The following SEPTIN5 variants were observed in gnomAD, a reference collection of about 807,000 sequenced individuals.
SEPTIN5 encodes the protein septin-5.
Under a neutral mutation model 51.2 loss-of-function variants are expected in SEPTIN5, and 16 were observed. The ratio of observed to expected loss-of-function variants is 0.31; its 90% CI spans 0.21 to 0.47. The LOEUF (loss-of-function observed/expected upper bound fraction) is 0.47. Among genes scored for constraint, SEPTIN5 ranks in the 20% least tolerant of loss-of-function variants. The pLI is 0.99. For synonymous variants in SEPTIN5, 208 were observed against 191.2 expected (o/e 1.09, Z -0.72); for missense variants, 376 against 500.3 (o/e 0.75, Z 2.37).
intron 2 of SEPTIN5, chr22:19,718,754 C>T (rs923962436): frequency 3.9e-5 from 48 of 1,237,156 alleles, no homozygotes; most frequent in Non-Finnish European, 4.3e-5. Context: ...TCGCTGGCAG[C>T]GCCCCAGGAC....
intron 2 of SEPTIN5, among the ~76,000 whole-genome samples, chr22:19,716,385 G>A (rs1006589326): frequency 1.3e-5 from 2 of 152,206 alleles, no homozygotes; most frequent in African/African-American, 2.4e-5. Flanking sequence ...CCGTCACTAC[G>A]CTCTGTGCCC....
intron 2 of SEPTIN5, chr22:19,719,081 G>A: frequency 2.9e-6 from 1 of 344,932 alleles, no homozygotes; most frequent in Non-Finnish European, 5.2e-6. Flanking sequence ...CTGGGCGCCT[G>A]GGCGCGCGGG....
rs1239852611 is a variant in SEPTIN5, at chr22:19,722,478, C to T, written c.1104C>T (p.Asp368=). The change falls in exon 12 of 12, where the codon GAC becomes GAT. Residue 368 remains aspartate, a synonymous_variant. Transcript: ENST00000455784. ...AGAGGATGAAGCAGCAGATGCAGGA[C>T]CAGTGACGCTCGCCGCGGACACACC... ...MLQRMKQQMQ[D]Q The T allele has an allele frequency of 5.6e-6, 9 of 1,596,868 alleles. No homozygotes were observed. Among genetic ancestry groups the T allele is most frequent in the Admixed American group, 1.7e-5 (1 of 58,482 alleles).
At chr22:19,719,034 G>C (rs562773458) in intron 2 of SEPTIN5, 2 of 467,082 alleles carry the variant, frequency 4.3e-6, no homozygotes, top group South Asian at 2.3e-4. Flanking sequence ...GAATGCGGCC[G>C]TGGGACCCCT....
chr22:19,719,748 A>C (rs1293555129), intron 3 of SEPTIN5, 50 bp downstream of exon 3: 5 of 1,611,536 alleles, frequency 3.1e-6, no homozygotes, highest in Non-Finnish European at 4.2e-6. Context: ...CTGGCCAGCC[A>C]AGCTCTGTCG....
At position 19,714,531 on chromosome 22, in the gene SEPTIN5, G is replaced by C. The variant is rs1158413643; in HGVS notation, c.-58G>C. The C allele has an allele frequency of 1.4e-5, 18 of 1,264,906 alleles. No homozygotes were observed. Among genetic ancestry groups the C allele is most frequent in the Non-Finnish European group, 1.8e-5 (18 of 993,940 alleles). 78.4% of individuals were successfully genotyped at this position (1,264,906 alleles called of 1,614,324 possible). ...CCGCAGCCCGGCCTCGGCCTCCGCCGCTTGTCGTCGCGCCCCGCCCGCGAG... is the reference window on the plus strand; with the variant it reads ...CCGCAGCCCGGCCTCGGCCTCCGCCCCTTGTCGTCGCGCCCCGCCCGCGAG... On this transcript the variant is annotated 5_prime_UTR_variant, in exon 1 of 12. Coordinates refer to ENST00000455784, the MANE Select transcript of SEPTIN5 (RefSeq NM_002688.6). The surrounding 1 kb of genome is among the most constrained non-coding windows in gnomAD (Gnocchi z 5.2).
At chr22:19,718,485 C>T (rs746186706) in intron 2 of SEPTIN5, 1 of 1,194,156 alleles carries the variant, frequency 8.4e-7, no homozygotes, top group Non-Finnish European at 1.0e-6. Flanking sequence ...CGGGGCCTGC[C>T]CGGACTGCGA....
At chr22:19,721,196 G>A (rs1936024034) in intron 8 of SEPTIN5, among the ~76,000 whole-genome samples, 1 of 152,214 alleles carries the variant, frequency 6.6e-6, no homozygotes, top group Non-Finnish European at 1.5e-5. Flanking sequence ...CCAGAGGAAG[G>A]GGCTGCCCCA....
chr22:19,722,952 C>T lies in SEPTIN5; in HGVS notation c.*468C>T, dbSNP rs971909500. 4.8e-5 allele frequency: 21 copies of T among 441,902 alleles called. No individual in the cohort carries two copies. Among genetic ancestry groups the T allele is most frequent in the Admixed American group, 1.4e-4 (4 of 29,128 alleles). The allele number at this position is 441,902 out of a possible 1,614,324, so 27.4% of individuals were successfully genotyped here. A position where few individuals can be genotyped will look rare whatever the true frequency, so the allele number is the denominator to read the frequency against. ...TCTGTCGAGGCGGGCCGAGTCTTCC[C>T]TTATCCCCAGACGCCTAGCGGGCAG... On this transcript the variant is annotated 3_prime_UTR_variant, in exon 12 of 12. Coordinates refer to ENST00000455784, the MANE Select transcript of SEPTIN5 (RefSeq NM_002688.6).
chr22:19,714,628 C>G lies in SEPTIN5; in HGVS notation c.40C>G (p.Pro14Ala). 1 of 1,507,992 alleles carries G rather than the reference C, an allele frequency of 6.6e-7. No individual in the cohort carries two copies. The allele number at this position is 1,507,992 out of a possible 1,614,324, so 93.4% of individuals were successfully genotyped here. A position where few individuals can be genotyped will look rare whatever the true frequency, so the allele number is the denominator to read the frequency against. The change falls in exon 1 of 12, where the codon CCA becomes GCA. Residue 14 changes from proline (P) to alanine (A), a missense_variant. Physicochemically the swap from Pro to Ala is conservative, Grantham distance 27. Coordinates refer to ENST00000455784, the MANE Select transcript of SEPTIN5 (RefSeq NM_002688.6). The surrounding 1 kb of genome is among the most constrained non-coding windows in gnomAD (Gnocchi z 5.2). ...GLRYKSKLATPEDKQDIDKQY... is the reference protein window; with the variant it reads ...GLRYKSKLATAEDKQDIDKQY... ...GCGGTACAAGAGCAAGCTGGCGACCCCAGGTGAGCCCAGCGCCTGCCCGCG... is the reference window on the plus strand; with the variant it reads ...GCGGTACAAGAGCAAGCTGGCGACCGCAGGTGAGCCCAGCGCCTGCCCGCG...
chr22:19,720,736 C>A, intron 7 of SEPTIN5, 32 bp from the exon 8 acceptor site: 4 of 1,612,098 alleles, frequency 2.5e-6, no homozygotes, highest in Non-Finnish European at 3.4e-6. Context: ...ACTTGTCTGG[C>A]CTCAAATCTG....
At chr22:19,718,625 G>C (rs1935956375) in intron 2 of SEPTIN5, 2 of 1,291,230 alleles carry the variant, frequency 1.5e-6, no homozygotes, top group Admixed American at 3.1e-5. Context: ...AAACGGGGTG[G>C]ACAACGCAGC....
Position 19,714,860 on chromosome 22 carries a change from T to C in SEPTIN5, c.54+69T>C. The C allele has an allele frequency of 6.5e-7, 1 of 1,535,240 alleles. No homozygotes were observed. The highest frequency in any genetic ancestry group is 8.8e-7 in the Non-Finnish European group (1 of 1,141,844). ...TGTCACCCATTGTGACACTAGCGCC[T>C]TGGGCGCCCAGGCGCGACCCCGCCC... On this transcript the variant is annotated intron_variant, in intron 2 of 11. Coordinates refer to ENST00000455784, the MANE Select transcript of SEPTIN5 (RefSeq NM_002688.6). This position sits in a 1 kb window ranked among gnomAD's most constrained non-coding sequence, Gnocchi z 5.2.
intron 2 of SEPTIN5, among the ~76,000 whole-genome samples, chr22:19,715,756 G>T (rs1935903463): frequency 6.6e-6 from 1 of 152,174 alleles, no homozygotes; most frequent in South Asian, 2.1e-4. Flanking sequence ...GGAGCTGGGG[G>T]AGTCACTGGC....
chr22:19,714,746 C>T lies in SEPTIN5; in HGVS notation c.44-35C>T. The T allele has an allele frequency of 6.3e-7, 1 of 1,586,104 alleles. No individual in the cohort carries two copies. On this transcript the variant is annotated intron_variant, in intron 1 of 11. Coordinates refer to ENST00000455784, the MANE Select transcript of SEPTIN5 (RefSeq NM_002688.6). The surrounding 1 kb of genome is among the most constrained non-coding windows in gnomAD (Gnocchi z 5.2). ...CCGCCGGCCCGGACCCGCTCGGAAC[C>T]GGACCCGGACTCGACCCCGACCCCG...
intron 2 of SEPTIN5, among the ~76,000 whole-genome samples, chr22:19,715,986 C>G (rs942919047): frequency 6.6e-6 from 1 of 152,222 alleles, no homozygotes; most frequent in African/African-American, 2.4e-5. Context: ...GAGGCTTCTC[C>G]TGTGCCTGCA....
chr22:19,718,342 CG>C (rs1935948600), intron 2 of SEPTIN5: 1 of 961,216 alleles, frequency 1.0e-6, no homozygotes, highest in African/African-American at 1.8e-5. Context: ...CAGCCGCTTT[CG>C]GGTGGCTCCG....
chr22:19,722,657 AG>A lies in SEPTIN5; in HGVS notation c.*174del. On this transcript the variant is annotated 3_prime_UTR_variant, in exon 12 of 12. Transcript: ENST00000455784. ...TCTGTTTCCGAGGGGCCTGGACCGTAGCCCCCGCCCAGCTGGCCCTCTCTGA... is the reference window on the plus strand; with the variant it reads ...TCTGTTTCCGAGGGGCCTGGACCGTACCCCCGCCCAGCTGGCCCTCTCTGA... 1 of 719,150 alleles carries A rather than the reference AG, an allele frequency of 1.4e-6. No individual in the cohort carries two copies. Among genetic ancestry groups the A allele is most frequent in the Non-Finnish European group, 2.3e-6 (1 of 439,604 alleles). The allele number at this position is 719,150 out of a possible 1,614,324, so 44.5% of individuals were successfully genotyped here.
In SEPTIN5 at chr22:19,720,437, C is replaced by T. The variant is rs781642477; in HGVS notation, c.480C>T (p.Ile160=). 9 of 1,613,912 alleles carry T rather than the reference C, an allele frequency of 5.6e-6. No individual in the cohort carries two copies. Among genetic ancestry groups the T allele is most frequent in the South Asian group, 5.5e-5 (5 of 91,086 alleles). The part of the protein sequence containing the change: ...DNRVHCCLYF[I]SPFGHGLRPV... ...GAGTGCACTGCTGCCTATACTTCAT[C>T]TCCCCCTTCGGGCATGGGTGTGTGG... is the stretch of plus-strand genomic sequence containing the variant. The change falls in exon 6 of 12, where the codon ATC becomes ATT. Residue 160 remains isoleucine (I), a synonymous_variant. Transcript: ENST00000455784.
Sources: allele counts gnomAD v4.1 joint callset (sites outside exome capture counted in the v4.1 genomes callset), GRCh38; gene constraint gnomAD v4.1.1; non-coding constraint Gnocchi (gnomAD v3.1); transcripts MANE v1.5; gene names NCBI Gene and HGNC (gene_info 2026-07-23, HGNC 2026-07-21).